Variants in SLC14A2 observed in about 807,000 individuals in gnomAD.
SLC14A2 encodes urea transporter 2.
SLC14A2 carries 91 observed loss-of-function variants against 104.6 expected under a neutral mutation model. The observed-to-expected ratio is 0.87, with a 90% CI of 0.73 to 1.04. The LOEUF is 1.04. SLC14A2 is among the 50% of genes least tolerant of loss of function. The pLI is 0.00. For synonymous variants in SLC14A2, 476 were observed against 466.4 expected (o/e 1.02, Z -0.27); for missense variants, 1,189 against 1,156.0 (o/e 1.03, Z -0.41).
chr18:45,568,857 T>A (rs1259955596), intron 2 of SLC14A2, among the ~76,000 whole-genome samples: 1 of 152,192 alleles, frequency 6.6e-6, no homozygotes, highest in East Asian at 1.9e-4. Context: ...GGCATATCAA[T>A]CTGGAATAAA....
rs146164390 is a variant in SLC14A2, at chr18:45,390,786, G to A, written c.-124-92447G>A. ...AAGCTGCGCACCTTTCACCCAGATC[G>A]TATAATGCTCACAATAACCAGGTGA... On this transcript the variant is annotated intron_variant, in intron 1 of 20. Coordinates refer to the SLC14A2 transcript ENST00000586448. Among the ~76,000 whole-genome samples the A allele has an allele frequency of 8.5e-5, 13 of 152,250 alleles. No homozygotes were observed. In the East Asian group the frequency reaches 1.5e-3, roughly 18 times the overall value.
At chr18:45,554,045 A>G (rs1334189845) in intron 2 of SLC14A2, among the ~76,000 whole-genome samples, 1 of 152,276 alleles carries the variant, frequency 6.6e-6, no homozygotes, top group Non-Finnish European at 1.5e-5. Flanking sequence ...CTACTCTTGA[A>G]TAATCATGCC....
chr18:45,236,309 A>ATG (rs1163305446), intron 1 of SLC14A2, among the ~76,000 whole-genome samples: 1 of 54,350 alleles, frequency 1.8e-5, no homozygotes, highest in East Asian at 5.0e-4. Context: ...ATGTGTGTAT[A>ATG]TGTGTATATA....
chr18:45,448,684 C>G (rs915776751), intron 1 of SLC14A2, among the ~76,000 whole-genome samples: 3 of 152,180 alleles, frequency 2.0e-5, no homozygotes, highest in Non-Finnish European at 4.4e-5. Flanking sequence ...CCTCTAACTC[C>G]CACCTCATTG....
intron 1 of SLC14A2, among the ~76,000 whole-genome samples, chr18:45,463,272 T>A (rs1247765370): frequency 6.6e-6 from 1 of 152,172 alleles, no homozygotes; most frequent in African/African-American, 2.4e-5. Flanking sequence ...TGTGGAGCAG[T>A]GATAAGCTTT....
chr18:45,449,513 A>G (rs2086825295), intron 1 of SLC14A2, among the ~76,000 whole-genome samples: 1 of 152,086 alleles, frequency 6.6e-6, no homozygotes, highest in African/African-American at 2.4e-5. Flanking sequence ...CTTTTCCTAC[A>G]TCTTCCCCCA....
intron 1 of SLC14A2, among the ~76,000 whole-genome samples, chr18:45,304,287 T>C (rs974136732): frequency 2.6e-5 from 4 of 152,188 alleles, no homozygotes; most frequent in Non-Finnish European, 5.9e-5. Flanking sequence ...GTAAGAACAA[T>C]GTGAGACTAT....
chr18:45,611,633 C>T (rs932035316), upstream of SLC14A2, among the ~76,000 whole-genome samples: 2 of 152,202 alleles, frequency 1.3e-5, no homozygotes, highest in African/African-American at 4.8e-5. Context: ...ATTAAGGACT[C>T]ACATGCCCAC....
intron 2 of SLC14A2, among the ~76,000 whole-genome samples, chr18:45,556,254 T>C (rs894468445): frequency 4.6e-5 from 7 of 152,126 alleles, no homozygotes; most frequent in Non-Finnish European, 8.8e-5. Flanking sequence ...TTTCAACATA[T>C]AAATTTTGGG....
chr18:45,577,089 G>A (rs1330352587), intron 2 of SLC14A2, among the ~76,000 whole-genome samples: 1 of 152,100 alleles, frequency 6.6e-6, no homozygotes, highest in Non-Finnish European at 1.5e-5. Context: ...AGAGGTAGTT[G>A]GGGCACAGGC....
intron 1 of SLC14A2, among the ~76,000 whole-genome samples, chr18:45,475,730 T>C (rs1483734975): frequency 6.2e-5 from 9 of 146,190 alleles, no homozygotes; most frequent in Admixed American, 4.8e-4. Context: ...TTTACCATTA[T>C]GTAATGCCCT....
At chr18:45,206,495 G>A in the SLC14A2 span, among the ~76,000 whole-genome samples, 3 of 152,074 alleles carry the variant, frequency 2.0e-5, no homozygotes, top group African/African-American at 7.2e-5. Context: ...ATTCAGCGAG[G>A]TTAGCCTTAC....
At chr18:45,475,553 CATATATTTAGGAT>C (rs1210393705) in intron 1 of SLC14A2, among the ~76,000 whole-genome samples, 17 of 138,288 alleles carry the variant, frequency 1.2e-4, no homozygotes, top group South Asian at 4.5e-4. Context: ...GTATTGGGTG[CATATATTTAGGAT>C]ATATATTTAG....
intron 1 of SLC14A2, among the ~76,000 whole-genome samples, chr18:45,340,434 T>C (rs2085382273): frequency 6.6e-6 from 1 of 152,102 alleles, no homozygotes; most frequent in South Asian, 2.1e-4. Flanking sequence ...TATTCCAGAG[T>C]TTGTGAAGAT....
At chr18:45,512,568 A>G (rs1158304438) in intron 2 of SLC14A2, among the ~76,000 whole-genome samples, 2 of 152,152 alleles carry the variant, frequency 1.3e-5, no homozygotes, top group African/African-American at 2.4e-5. Flanking sequence ...GCCACAGAGA[A>G]AGTGCAATTT....
At chr18:45,393,367 T>A (rs1165397122) in intron 1 of SLC14A2, among the ~76,000 whole-genome samples, 1 of 152,166 alleles carries the variant, frequency 6.6e-6, no homozygotes, top group Non-Finnish European at 1.5e-5. Context: ...TTGCCAGTGG[T>A]TGATTCATTC....
chr18:45,249,048 C>T (rs955356476), intron 1 of SLC14A2, among the ~76,000 whole-genome samples: 8 of 152,152 alleles, frequency 5.3e-5, no homozygotes, highest in African/African-American at 9.7e-5. Context: ...AAGGAGCCAG[C>T]GTCCTTTGGG....
chr18:45,554,714 G>A (rs922717782), intron 2 of SLC14A2, among the ~76,000 whole-genome samples: 3 of 152,088 alleles, frequency 2.0e-5, no homozygotes, highest in Non-Finnish European at 2.9e-5. Flanking sequence ...GGGATAAAAC[G>A]ACAACAAAGG....
At chr18:45,388,779 C>T (rs966461293) in intron 1 of SLC14A2, among the ~76,000 whole-genome samples, 1 of 152,080 alleles carries the variant, frequency 6.6e-6, no homozygotes, top group Non-Finnish European at 1.5e-5. Flanking sequence ...TCAATGTGAC[C>T]TATGAAGACA....
Sources: gnomAD v4.1 joint callset for allele counts (sites outside exome capture counted in the v4.1 genomes callset) on GRCh38, gnomAD v4.1.1 for gene constraint, MANE v1.5 for transcripts, NCBI Gene and HGNC (gene_info 2026-07-23, HGNC 2026-07-21) for gene names.